NXPH1: variants seen among roughly 807,000 people sequenced by gnomAD.
NXPH1 encodes neurexophilin-1.
NXPH1 carries 5 observed loss-of-function variants against 23.7 expected under a neutral mutation model. The ratio of observed to expected loss-of-function variants is 0.21; its 90% CI spans 0.11 to 0.44. NXPH1 has a LOEUF of 0.44. Among genes scored for constraint, NXPH1 ranks in the 20% least tolerant of loss-of-function variants. The pLI, the probability that NXPH1 is intolerant of heterozygous loss-of-function variation, is 0.99. For missense variants in NXPH1, 324 were observed against 321.6 expected, an observed-to-expected ratio of 1.01 and a Z score of -0.06; for synonymous variants, 144 against 122.2, an observed-to-expected ratio of 1.18 and a Z score of -1.18.
At chr7:8,727,047 A>G (rs1434426920) in intron 2 of NXPH1, among the ~76,000 whole-genome samples, 1 of 145,180 alleles carries the variant, frequency 6.9e-6, no homozygotes, top group Non-Finnish European at 1.5e-5. Flanking sequence ...GTGAGATGGT[A>G]TCTCATAGTG....
At chr7:8,443,998 T>A (rs1816353847) in intron 2 of NXPH1, among the ~76,000 whole-genome samples, 1 of 152,200 alleles carries the variant, frequency 6.6e-6, no homozygotes, top group South Asian at 2.1e-4. Flanking sequence ...CTGCGGTCAC[T>A]TAAAGTGCGC....
chr7:8,570,430 G>T (rs1818622281), intron 2 of NXPH1, among the ~76,000 whole-genome samples: 1 of 151,952 alleles, frequency 6.6e-6, no homozygotes, highest in African/African-American at 2.4e-5. Flanking sequence ...TTACCTTATA[G>T]GATTGTTATG....
intron 2 of NXPH1, among the ~76,000 whole-genome samples, chr7:8,570,461 C>A (rs761737780): frequency 1.3e-5 from 2 of 151,990 alleles, no homozygotes; most frequent in Admixed American, 6.6e-5. Context: ...ATAACATACA[C>A]AGCACAGTAA....
chr7:8,523,520 T>C (rs141382023), intron 2 of NXPH1, among the ~76,000 whole-genome samples: 230 of 152,358 alleles, frequency 1.5e-3, no homozygotes, highest in African/African-American at 5.4e-3. Flanking sequence ...GGAACACTAA[T>C]TCTCTGAATG....
intron 2 of NXPH1, among the ~76,000 whole-genome samples, chr7:8,662,188 A>ACACACG: frequency 7.0e-6 from 1 of 143,520 alleles, no homozygotes; most frequent in Non-Finnish European, 1.5e-5. Context: ...ATATATATAT[A>ACACACG]TACACACATA....
intron 2 of NXPH1, among the ~76,000 whole-genome samples, chr7:8,521,339 T>C (rs1299645102): frequency 6.6e-6 from 1 of 152,180 alleles, no homozygotes; most frequent in Non-Finnish European, 1.5e-5. Flanking sequence ...CCAGTTTTCC[T>C]ATTCTCTTGG....
intron 2 of NXPH1, among the ~76,000 whole-genome samples, chr7:8,745,506 G>T (rs570308450): frequency 1.0e-3 from 156 of 150,480 alleles, no homozygotes; most frequent in African/African-American, 3.6e-3. Context: ...AGAATAATAA[G>T]TTTTTTTTTC....
chr7:8,543,016 A>G (rs1225648624), intron 2 of NXPH1, among the ~76,000 whole-genome samples: 2 of 151,646 alleles, frequency 1.3e-5, no homozygotes, highest in African/African-American at 2.4e-5. Flanking sequence ...CCTTCAGACA[A>G]CATTTAAATT....
At chr7:8,470,754 C>T (rs1035069766) in intron 2 of NXPH1, among the ~76,000 whole-genome samples, 5 of 152,142 alleles carry the variant, frequency 3.3e-5, no homozygotes, top group African/African-American at 1.2e-4. Context: ...GTCCTGTCAA[C>T]TTGTCACCAT....
intron 2 of NXPH1, among the ~76,000 whole-genome samples, chr7:8,722,188 T>C (rs1043399525): frequency 6.6e-6 from 1 of 152,192 alleles, no homozygotes; most frequent in Non-Finnish European, 1.5e-5. Context: ...AAAATTTTAA[T>C]ATTATAGTTA....
intron 2 of NXPH1, among the ~76,000 whole-genome samples, chr7:8,514,148 T>A (rs575509079): frequency 6.6e-6 from 1 of 152,262 alleles, no homozygotes; most frequent in East Asian, 1.9e-4. Flanking sequence ...AGTTACATTC[T>A]AAGGTACTGA....
At chr7:8,729,152 G>C (rs1583249559) in intron 2 of NXPH1, among the ~76,000 whole-genome samples, 1 of 151,634 alleles carries the variant, frequency 6.6e-6, no homozygotes, top group Non-Finnish European at 1.5e-5. Flanking sequence ...ATTCTCTGAT[G>C]GTAGTTTGTA....
intron 2 of NXPH1, among the ~76,000 whole-genome samples, chr7:8,733,092 T>C (rs766273461): frequency 2.0e-5 from 3 of 152,076 alleles, no homozygotes; most frequent in Admixed American, 1.3e-4. Context: ...TGTGTTCTCA[T>C]TGTTCGACTC....
intron 2 of NXPH1, among the ~76,000 whole-genome samples, chr7:8,597,109 G>T (rs1389249635): frequency 6.6e-6 from 1 of 152,010 alleles, no homozygotes; most frequent in African/African-American, 2.4e-5. Flanking sequence ...AAATATAAGA[G>T]ATTTGCTACT....
intron 2 of NXPH1, among the ~76,000 whole-genome samples, chr7:8,471,857 C>A (rs773535981): frequency 6.6e-6 from 1 of 151,924 alleles, no homozygotes; most frequent in African/African-American, 2.4e-5. Context: ...TAACAAGTTA[C>A]AAAAACAGTA....
intron 2 of NXPH1, among the ~76,000 whole-genome samples, chr7:8,678,513 C>G (rs186796582): frequency 1.3e-5 from 2 of 152,254 alleles, no homozygotes; most frequent in Non-Finnish European, 1.5e-5. Flanking sequence ...TTGTTGCTCA[C>G]TACAGCCAGC....
rs1469345849 is a variant in NXPH1 at position 8,751,932 on chromosome 7, T to A, written c.*163T>A. The A allele has an allele frequency of 1.5e-6, 1 of 646,600 alleles. No homozygotes were observed. Among genetic ancestry groups the A allele is most frequent in the African/African-American group, 1.8e-5 (1 of 54,858 alleles). 40.1% of individuals were successfully genotyped at this position (646,600 alleles called of 1,614,324 possible). A position where few individuals can be genotyped will look rare whatever the true frequency, so the allele number is the denominator to read the frequency against. On this transcript the variant is annotated 3_prime_UTR_variant, in exon 3 of 3. Coordinates refer to ENST00000405863, the MANE Select transcript of NXPH1 (RefSeq NM_152745.3). This position sits in a 1 kb window ranked among gnomAD's most constrained non-coding sequence, Gnocchi z 4.5. Reference sequence around the variant, plus strand: ...CTAGTGGAAAACACTCTGATGTAATTTCTGCCCAGTCAGCTTCATCCCTCA... The same window carrying A: ...CTAGTGGAAAACACTCTGATGTAATATCTGCCCAGTCAGCTTCATCCCTCA...
At chr7:8,469,724 C>T (rs1210506134) in intron 2 of NXPH1, among the ~76,000 whole-genome samples, 1 of 152,098 alleles carries the variant, frequency 6.6e-6, no homozygotes, top group Non-Finnish European at 1.5e-5. Context: ...GTAAAATACA[C>T]ACTATTACTA....
chr7:8,704,835 G>C (rs545276629), intron 2 of NXPH1, among the ~76,000 whole-genome samples: 1 of 152,122 alleles, frequency 6.6e-6, no homozygotes, highest in Non-Finnish European at 1.5e-5. Flanking sequence ...CTCTCACTGA[G>C]TTCGTAGGTT....
Sources: gnomAD v4.1 joint callset for allele counts (sites outside exome capture counted in the v4.1 genomes callset) on GRCh38, gnomAD v4.1.1 for gene constraint, Gnocchi (gnomAD v3.1) non-coding constraint, MANE v1.5 for transcripts, NCBI Gene and HGNC (gene_info 2026-07-23, HGNC 2026-07-21) for gene names.